Variants in ID1 observed in about 807,000 individuals in gnomAD.
The protein encoded by ID1 is inhibitor of DNA binding 1.
ID1 carries 8 observed loss-of-function variants against 11.3 expected under a neutral mutation model. The ratio of observed to expected loss-of-function variants is 0.71; its 90% CI spans 0.42 to 1.28. The LOEUF is 1.28. ID1 is among the 50% of genes most tolerant of loss of function. The probability of loss-of-function intolerance (pLI) is 0.01; values close to 1 mark genes in which losing one functional copy is unlikely to be tolerated. For missense variants in ID1, 347 were observed against 219.8 expected, an observed-to-expected ratio of 1.58 and a Z score of -3.66; for synonymous variants, 176 against 100.2, an observed-to-expected ratio of 1.76 and a Z score of -4.52.
rs781220289 is a variant in ID1, at chr20:31,605,678, C to T, written c.291C>T (p.His97=). 14 of 1,610,850 alleles carry T rather than the reference C, an allele frequency of 8.7e-6. 1 individual carries two copies. The highest frequency in any genetic ancestry group is 2.2e-5 in the South Asian group (2 of 90,522). The change falls in exon 1 of 2, where the codon CAC becomes CAT. Residue 97 remains histidine, a synonymous_variant. Transcript: ENST00000376112. ...TGAGCAAGGTGGAGATTCTCCAGCA[C>T]GTCATCGACTACATCAGGGACCTTC... is the stretch of plus-strand genomic sequence containing the variant. The part of the protein sequence containing the change: ...RKVSKVEILQ[H]VIDYIRDLQL...
chr20:31,605,548 C>A lies in ID1; in HGVS notation c.161C>A (p.Pro54His). The change falls in exon 1 of 2, where the codon CCT becomes CAT. Residue 54 changes from proline to histidine, a missense_variant. By Grantham distance (77) the Pro-to-His change is moderately conservative. Transcript: ENST00000376112. ...GCCGGGGGCGCCGGGGCGCGCCTGCCTGCCCTGCTGGACGAGCAGCAGGTA... is the reference window on the plus strand; with the variant it reads ...GCCGGGGGCGCCGGGGCGCGCCTGCATGCCCTGCTGGACGAGCAGCAGGTA... ...RCAGGAGARL[P>H]ALLDEQQVNV... is the part of the protein sequence containing the mutation. 1 of 1,558,294 alleles carries A rather than the reference C, an allele frequency of 6.4e-7. No homozygotes were observed. The highest frequency in any genetic ancestry group is 8.7e-7 in the Non-Finnish European group (1 of 1,149,328).
chr20:31,606,150 C>G lies in ID1; in HGVS notation c.*56C>G, dbSNP rs1468455644. The stretch of plus-strand genomic sequence containing the variant: ...GCCATCCAGGGGGCAAGAGGAATTA[C>G]GTGCTCTGTGGGTCTCCCCCAACGC... On this transcript the variant is annotated 3_prime_UTR_variant, in exon 2 of 2. Coordinates refer to ENST00000376112, the MANE Select transcript of ID1 (RefSeq NM_002165.4). 2 of 1,556,548 alleles carry G rather than the reference C, an allele frequency of 1.3e-6. No individual in the cohort carries two copies. Among genetic ancestry groups the G allele is most frequent in the Non-Finnish European group, 1.8e-6 (2 of 1,133,012 alleles).
chr20:31,605,396 C>A lies in ID1; in HGVS notation c.9C>A (p.Val3=), dbSNP rs1401389972. MK[V]ASGSTATAAA... is the part of the protein sequence containing the mutation. ...GCCAGTCGCCAAGAATCATGAAAGT[C>A]GCCAGTGGCAGCACCGCCACCGCCG... Residue 3 remains valine (V), a synonymous_variant, in exon 1 of 2, where the codon GTC becomes GTA. Coordinates refer to ENST00000376112, the MANE Select transcript of ID1 (RefSeq NM_002165.4). 1 of 1,600,584 alleles carries A rather than the reference C, an allele frequency of 6.2e-7. No homozygotes were observed. Among genetic ancestry groups the A allele is most frequent in the South Asian group, 1.1e-5 (1 of 90,590 alleles).
In ID1 at chr20:31,605,611, G is replaced by A. The variant is rs1458226809; in HGVS notation, c.224G>A (p.Arg75His). The A allele has an allele frequency of 3.8e-6, 6 of 1,578,372 alleles. No individual in the cohort carries two copies. The highest frequency in any genetic ancestry group is 5.2e-6 in the Non-Finnish European group (6 of 1,162,776). ...TACGACATGAACGGCTGTTACTCAC[G>A]CCTCAAGGAGCTGGTGCCCACCCTG... ...LLYDMNGCYS[R>H]LKELVPTLPQ... Residue 75 changes from arginine (R) to histidine (H), a missense_variant, in exon 1 of 2, where the codon CGC (arginine) becomes CAC (histidine). Physicochemically the swap from Arg to His is conservative, Grantham distance 29 (BLOSUM62 0). Transcript: ENST00000376112.
rs756315343 is a variant in ID1, at chr20:31,605,737, C to T, written c.350C>T (p.Thr117Ile). Residue 117 changes from threonine (T) to isoleucine (I), a missense_variant, in exon 1 of 2, where the codon ACC (threonine) becomes ATC (isoleucine). By Grantham distance (89) the Thr-to-Ile change is moderately conservative. Transcript: ENST00000376112. ...CTGAACTCGGAATCCGAAGTTGGAA[C>T]CCCCGGGGGCCGAGGGCTGCCGGTC... is the stretch of plus-strand genomic sequence containing the variant. ...LELNSESEVG[T>I]PGGRGLPVRA... 4 of 1,610,290 alleles carry T rather than the reference C, an allele frequency of 2.5e-6. No homozygotes were observed. Among genetic ancestry groups the T allele is most frequent in the Non-Finnish European group, 3.4e-6 (4 of 1,178,346 alleles).
Position 31,606,366 on chromosome 20 carries a change from A to T in ID1, c.*272A>T, listed in dbSNP as rs1000147063. ...CTATTTTTTGAAAAGCAGACATTTT[A>T]AAAAATGGTCACGTTTGGTGCTTCT... On this transcript the variant is annotated 3_prime_UTR_variant, in exon 2 of 2. Coordinates refer to ENST00000376112, the MANE Select transcript of ID1 (RefSeq NM_002165.4). The T allele has an allele frequency of 1.8e-5, 10 of 547,238 alleles. No individual in the cohort carries two copies. The highest frequency in any genetic ancestry group is 3.8e-5 in the African/African-American group (2 of 52,572). 33.9% of individuals were successfully genotyped at this position (547,238 alleles called of 1,614,324 possible). A position where few individuals can be genotyped will look rare whatever the true frequency, so the allele number is the denominator to read the frequency against.
At position 31,605,491 on chromosome 20, in the gene ID1, T is replaced by C; in HGVS notation, c.104T>C (p.Leu35Pro). ...ASGAGEVVRC[L>P]SEQSVAISRC... ...GGTGCGGGCGAGGTGGTGCGCTGTC[T>C]GTCTGAGCAGAGCGTGGCCATCTCG... Residue 35 changes from leucine to proline, a missense_variant, in exon 1 of 2, where the codon CTG becomes CCG. Physicochemically the swap from Leu to Pro is moderately conservative, Grantham distance 98 (BLOSUM62 -3). Coordinates refer to ENST00000376112, the MANE Select transcript of ID1 (RefSeq NM_002165.4). 6.2e-7 allele frequency: 1 copy of C among 1,604,326 alleles called. No homozygotes were observed. The highest frequency in any genetic ancestry group is 8.5e-7 in the Non-Finnish European group (1 of 1,174,906).
rs1986067101 is a variant in ID1 at position 31,605,577 on chromosome 20, G to A, written c.190G>A (p.Val64Met). 6.4e-7 allele frequency: 1 copy of A among 1,562,166 alleles called. No homozygotes were observed. Among genetic ancestry groups the A allele is most frequent in the Non-Finnish European group, 8.7e-7 (1 of 1,152,764 alleles). ...PALLDEQQVN[V>M]LLYDMNGCYS... ...CCTGCTGGACGAGCAGCAGGTAAAC[G>A]TGCTGCTCTACGACATGAACGGCTG... Residue 64 changes from valine (V) to methionine (M), a missense_variant, in exon 1 of 2, where the codon GTG becomes ATG. Val to Met is a conservative substitution (Grantham distance 21). Transcript: ENST00000376112.
chr20:31,606,248 T>C lies in ID1; in HGVS notation c.*154T>C. The C allele has an allele frequency of 1.3e-6, 1 of 748,288 alleles. No individual in the cohort carries two copies. Among genetic ancestry groups the C allele is most frequent in the South Asian group, 1.7e-5 (1 of 59,364 alleles). 46.4% of individuals were successfully genotyped at this position (748,288 alleles called of 1,614,324 possible). On this transcript the variant is annotated 3_prime_UTR_variant, in exon 2 of 2. Coordinates refer to ENST00000376112, the MANE Select transcript of ID1 (RefSeq NM_002165.4). The stretch of plus-strand genomic sequence containing the variant: ...CCCTTAACTGCATCCAGCCTGGGGC[T>C]GAGGCTGAGGCACTGGCGAGGAGAG...
Position 31,605,955 on chromosome 20 carries a change from G to C in ID1, c.427-98G>C, listed in dbSNP as rs192792677. On this transcript the variant is annotated intron_variant, in intron 1 of 1. Transcript: ENST00000376112. ...GGGGTGCCTAAGGAGCCTGGAAAAA[G>C]CGCTCCCCCGTCGTGCTTCCTGGGG... The C allele has an allele frequency of 5.6e-6, 9 of 1,601,118 alleles. No individual in the cohort carries two copies. The Admixed American group carries it at 1.4e-4, about 25-fold the overall frequency.
chr20:31,605,728 A>G lies in ID1; in HGVS notation c.341A>G (p.Glu114Gly). Reference sequence around the variant, plus strand: ...CAGTTGGAGCTGAACTCGGAATCCGAAGTTGGAACCCCCGGGGGCCGAGGG... The same window carrying G: ...CAGTTGGAGCTGAACTCGGAATCCGGAGTTGGAACCCCCGGGGGCCGAGGG... ...DLQLELNSES[E>G]VGTPGGRGLP... The change falls in exon 1 of 2, where the codon GAA becomes GGA. Residue 114 changes from glutamate to glycine, a missense_variant. Physicochemically the swap from Glu to Gly is moderately conservative, Grantham distance 98 (BLOSUM62 -2). Transcript: ENST00000376112. The G allele has an allele frequency of 1.2e-6, 2 of 1,611,164 alleles. No homozygotes were observed. The highest frequency in any genetic ancestry group is 1.7e-6 in the Non-Finnish European group (2 of 1,178,750).
rs1274789024 is a variant in ID1, at chr20:31,606,117, G to A, written c.*23G>A. ...TGAAGCGCCTCCCCCAGGGACCGGC[G>A]GACCCCAGCCATCCAGGGGGCAAGA... On this transcript the variant is annotated 3_prime_UTR_variant, in exon 2 of 2. Coordinates refer to ENST00000376112, the MANE Select transcript of ID1 (RefSeq NM_002165.4). 1.9e-6 allele frequency: 3 copies of A among 1,605,558 alleles called. No homozygotes were observed. Among genetic ancestry groups the A allele is most frequent in the Non-Finnish European group, 2.5e-6 (3 of 1,177,536 alleles).
Position 31,605,498 on chromosome 20 carries a change from G to A in ID1, c.111G>A (p.Glu37=), listed in dbSNP as rs1278466247. ...GCGAGGTGGTGCGCTGTCTGTCTGA[G>A]CAGAGCGTGGCCATCTCGCGCTGCG... ...GAGEVVRCLS[E]QSVAISRCAG... The change falls in exon 1 of 2, where the codon GAG becomes GAA. Residue 37 remains glutamate (E), a synonymous_variant. Coordinates refer to ENST00000376112, the MANE Select transcript of ID1 (RefSeq NM_002165.4). 12 of 1,598,942 alleles carry A rather than the reference G, an allele frequency of 7.5e-6. No individual in the cohort carries two copies. Among genetic ancestry groups the A allele is most frequent in the Non-Finnish European group, 1.0e-5 (12 of 1,171,708 alleles).
Position 31,605,339 on chromosome 20 carries a change from C to T in ID1, c.-49C>T, listed in dbSNP as rs758616885. The T allele has an allele frequency of 3.9e-6, 6 of 1,533,098 alleles. No homozygotes were observed. The highest frequency in any genetic ancestry group is 2.3e-5 in the East Asian group (1 of 42,900). 95.0% of individuals were successfully genotyped at this position (1,533,098 alleles called of 1,614,324 possible). ...TTCCGTATCTGCTTCGGGCTTCCAC[C>T]TCATTTTTTTCGCTTTGCCCATTCT... On this transcript the variant is annotated 5_prime_UTR_variant, in exon 1 of 2. Coordinates refer to ENST00000376112, the MANE Select transcript of ID1 (RefSeq NM_002165.4).
Position 31,606,184 on chromosome 20 carries a change from G to T in ID1, c.*90G>T. Reference sequence around the variant, plus strand: ...TGGGTCTCCCCCAACGCGCCTCGCCGGATCTGAGGGAGAACAAGACCGATC... The same window carrying T: ...TGGGTCTCCCCCAACGCGCCTCGCCTGATCTGAGGGAGAACAAGACCGATC... On this transcript the variant is annotated 3_prime_UTR_variant, in exon 2 of 2. Coordinates refer to ENST00000376112, the MANE Select transcript of ID1 (RefSeq NM_002165.4). The T allele has an allele frequency of 7.5e-7, 1 of 1,339,322 alleles. No homozygotes were observed. Among genetic ancestry groups the T allele is most frequent in the Non-Finnish European group, 1.1e-6 (1 of 943,082 alleles). The allele number at this position is 1,339,322 out of a possible 1,614,324, so 83.0% of individuals were successfully genotyped here.
Position 31,605,438 on chromosome 20 carries a change from C to G in ID1, c.51C>G (p.Cys17Trp), listed in dbSNP as rs747840650. Residue 17 changes from cysteine to tryptophan, a missense_variant, in exon 1 of 2, where the codon TGC becomes TGG. Transcript: ENST00000376112. The stretch of plus-strand genomic sequence containing the variant: ...CCACCGCCGCCGCGGGCCCCAGCTG[C>G]GCGCTGAAGGCCGGCAAGACAGCGA... ...STATAAAGPS[C>W]ALKAGKTASG... 6.2e-7 allele frequency: 1 copy of G among 1,608,438 alleles called. No individual in the cohort carries two copies. Among genetic ancestry groups the G allele is most frequent in the Non-Finnish European group, 8.5e-7 (1 of 1,178,464 alleles).
chr20:31,605,419 C>T lies in ID1; in HGVS notation c.32C>T (p.Ala11Val). 6.2e-7 allele frequency: 1 copy of T among 1,605,480 alleles called. No individual in the cohort carries two copies. The part of the protein sequence containing the change: MKVASGSTAT[A>V]AAGPSCALKA... ...GTCGCCAGTGGCAGCACCGCCACCG[C>T]CGCCGCGGGCCCCAGCTGCGCGCTG... The change falls in exon 1 of 2, where the codon GCC (alanine) becomes GTC (valine). Residue 11 changes from alanine to valine, a missense_variant. Ala to Val is a moderately conservative substitution (Grantham distance 64, BLOSUM62 0). Coordinates refer to ENST00000376112, the MANE Select transcript of ID1 (RefSeq NM_002165.4).
rs1289527358 is a variant in ID1 at position 31,606,062 on chromosome 20, G to A, written c.436G>A (p.Val146Ile). 4 of 1,610,426 alleles carry A rather than the reference G, an allele frequency of 2.5e-6. No individual in the cohort carries two copies. The highest frequency in any genetic ancestry group is 3.4e-6 in the Non-Finnish European group (4 of 1,180,024). ...CTTCTCGTTTTCACAGGCGGCATGCGTTCCTGCGGACGATCGCATCTTGTG... is the reference window on the plus strand; with the variant it reads ...CTTCTCGTTTTCACAGGCGGCATGCATTCCTGCGGACGATCGCATCTTGTG... ...ISALTAEAAC[V>I]PADDRILCR Residue 146 changes from valine to isoleucine, a missense_variant, in exon 2 of 2, where the codon GTT becomes ATT. Coordinates refer to ENST00000376112, the MANE Select transcript of ID1 (RefSeq NM_002165.4).
Position 31,605,679 on chromosome 20 carries a change from G to T in ID1, c.292G>T (p.Val98Phe). 1 of 1,610,874 alleles carries T rather than the reference G, an allele frequency of 6.2e-7. No homozygotes were observed. Among genetic ancestry groups the T allele is most frequent in the Non-Finnish European group, 8.5e-7 (1 of 1,178,556 alleles). ...GAGCAAGGTGGAGATTCTCCAGCAC[G>T]TCATCGACTACATCAGGGACCTTCA... is the stretch of plus-strand genomic sequence containing the variant. Reference protein sequence around the residue: ...KVSKVEILQHVIDYIRDLQLE... With the variant: ...KVSKVEILQHFIDYIRDLQLE... Residue 98 changes from valine to phenylalanine, a missense_variant, in exon 1 of 2, where the codon GTC becomes TTC. By Grantham distance (50) the Val-to-Phe change is conservative. Coordinates refer to ENST00000376112, the MANE Select transcript of ID1 (RefSeq NM_002165.4).
Sources: allele counts gnomAD v4.1 joint callset, GRCh38; gene constraint gnomAD v4.1.1; transcripts MANE v1.5; gene names NCBI Gene and HGNC (gene_info 2026-07-23, HGNC 2026-07-21).